DGKK: variants seen among roughly 807,000 people sequenced by gnomAD.
DGKK encodes the protein 142 kDa diacylglycerol kinase.
In DGKK, 35 loss-of-function variants were observed where a neutral mutation model predicts 92.2. The ratio of observed to expected loss-of-function variants is 0.38; its 90% CI spans 0.29 to 0.50. DGKK has a LOEUF of 0.50. DGKK is among the 20% of genes least tolerant of loss of function. DGKK has a pLI of 0.92. For synonymous variants in DGKK, 368 were observed against 360.6 expected (o/e 1.02, Z -0.23); for missense variants, 910 against 992.2 (o/e 0.92, Z 1.11).
At position 50,386,368 on chromosome X, in the gene DGKK, T is replaced by C; in HGVS notation, c.2337A>G (p.Gln779=). ...LQKSLKLIIF[Q]VEQALDEESR... ...CCCTGGCCACCTTACCTTGTTCAACTTGAAATATGATGAGTTTCAAGGATT... is the reference window on the plus strand; with the variant it reads ...CCCTGGCCACCTTACCTTGTTCAACCTGAAATATGATGAGTTTCAAGGATT... The change falls in exon 15 of 28, where the codon CAA becomes CAG. Residue 779 remains glutamine (Q), a synonymous_variant. Transcript: ENST00000611977. 2 of 1,207,705 alleles carry C rather than the reference T, an allele frequency of 1.7e-6. No individual in the cohort carries two copies. Among genetic ancestry groups the C allele is most frequent in the African/African-American group, 1.7e-5 (1 of 57,610 alleles).
At chrX:50,384,622 G>A in intron 16 of DGKK, 98 bp downstream of exon 16, 1 of 795,806 alleles carries the variant, frequency 1.3e-6, no homozygotes. Context: ...CAGGATTATG[G>A]CTAAAAGAGG....
intron 4 of DGKK, among the ~76,000 whole-genome samples, chrX:50,413,346 A>G (rs1273913999): frequency 4.5e-5 from 5 of 112,285 alleles, no homozygotes; most frequent in African/African-American, 6.5e-5. Context: ...AACAAATGCA[A>G]AACTGGACAA....
intron 25 of DGKK, among the ~76,000 whole-genome samples, chrX:50,372,250 G>A (rs782465331): frequency 9.0e-5 from 10 of 111,593 alleles, no homozygotes; most frequent in Non-Finnish European, 1.5e-4. Flanking sequence ...CCATCTTCCC[G>A]GTAACCTTAC....
Position 50,379,679 on chromosome X carries a change from A to T in DGKK, c.2810T>A (p.Ile937Asn). 8.3e-7 allele frequency: 1 copy of T among 1,211,646 alleles called. No homozygotes were observed. Residue 937 changes from isoleucine to asparagine, a missense_variant, in exon 20 of 28, where the codon ATT (isoleucine) becomes AAT (asparagine). Physicochemically the swap from Ile to Asn is moderately radical, Grantham distance 149 (BLOSUM62 -3). Coordinates refer to ENST00000611977, the MANE Select transcript of DGKK (RefSeq NM_001013742.4). ...GTTGATACCTCCAGCATAGCTGGTA[A>T]TGTTGAGCACTACAATGCCTTGCAG... is the stretch of plus-strand genomic sequence containing the variant. ...PNLQGIVVLN[I>N]TSYAGGINFW...
intron 4 of DGKK, among the ~76,000 whole-genome samples, chrX:50,411,789 G>A (rs1220876258): frequency 9.0e-6 from 1 of 111,596 alleles, no homozygotes; most frequent in Non-Finnish European, 1.9e-5. Context: ...ATTGCCTCTA[G>A]TTGCTGATGA....
At chrX:50,396,118 A>G (rs1409546742) in intron 8 of DGKK, among the ~76,000 whole-genome samples, 1 of 112,396 alleles carries the variant, frequency 8.9e-6, no homozygotes, top group Admixed American at 9.5e-5. Flanking sequence ...ATACAGCAGA[A>G]TATCTTGTAA....
intron 20 of DGKK, 74 bp from the exon 21 acceptor site, chrX:50,378,765 TA>T: frequency 1.2e-6 from 1 of 808,086 alleles, no homozygotes; most frequent in African/African-American, 2.0e-5. Context: ...AAGGCATGTT[TA>T]AAGGCTCCTG....
intron 1 of DGKK, among the ~76,000 whole-genome samples, chrX:50,466,754 A>C (rs1221598978): frequency 2.7e-5 from 3 of 111,950 alleles, no homozygotes; most frequent in African/African-American, 9.8e-5. Flanking sequence ...AGAAGCTCAG[A>C]AATCACTAAT....
At chrX:50,420,241 C>A (rs1274477188) in intron 4 of DGKK, among the ~76,000 whole-genome samples, 162 bp downstream of exon 4, 1 of 112,071 alleles carries the variant, frequency 8.9e-6, no homozygotes, top group African/African-American at 3.2e-5. Flanking sequence ...AAGTGAATTA[C>A]TCCTATTTAT....
intron 17 of DGKK, among the ~76,000 whole-genome samples, chrX:50,383,168 A>G (rs1014100537): frequency 1.8e-4 from 20 of 112,295 alleles, no homozygotes; most frequent in Middle Eastern, 4.6e-3. Context: ...GTGGTGTGCC[A>G]TAGCCAGTTG....
At chrX:50,377,066 G>A in intron 22 of DGKK, 148 bp from the exon 23 acceptor site, 1 of 460,084 alleles carries the variant, frequency 2.2e-6, no homozygotes, top group African/African-American at 2.4e-5. Context: ...CATTCCCCCT[G>A]TCATACCCAT....
chrX:50,419,017 A>T (rs944605135), intron 4 of DGKK, among the ~76,000 whole-genome samples: 4 of 112,219 alleles, frequency 3.6e-5, no homozygotes, highest in Non-Finnish European at 7.5e-5. Context: ...GGAAAGGAGC[A>T]TGGAATTCAC....
chrX:50,368,977 C>A lies in DGKK; in HGVS notation c.3779G>T (p.Gly1260Val). ...HRRHREDEAE[G>V]DDPLTPSRSQ... ...TCTCGATGGTGTTAGAGGATCATCA[C>A]CCTCTGCTTCATCTTCACGATGTCT... The change falls in exon 28 of 28, where the codon GGT becomes GTT. Residue 1260 changes from glycine (G) to valine (V), a missense_variant. Transcript: ENST00000611977. The A allele has an allele frequency of 8.3e-7, 1 of 1,208,618 alleles. No homozygotes were observed. The highest frequency in any genetic ancestry group is 1.1e-6 in the Non-Finnish European group (1 of 894,036).
At chrX:50,430,217 A>G (rs1006028000) in intron 1 of DGKK, among the ~76,000 whole-genome samples, 1 of 112,382 alleles carries the variant, frequency 8.9e-6, no homozygotes, top group Admixed American at 9.4e-5. Context: ...CAGCTATTTC[A>G]TAAGAAGGGA....
chrX:50,392,311 A>G (rs1557225637), intron 10 of DGKK, 30 bp downstream of exon 10: 2 of 1,123,025 alleles, frequency 1.8e-6, no homozygotes, highest in Non-Finnish European at 2.5e-6. Context: ...CTTTCTAGCA[A>G]TGGCTAAACT....
intron 4 of DGKK, among the ~76,000 whole-genome samples, chrX:50,408,047 C>T (rs1557227452): frequency 1.8e-5 from 2 of 112,831 alleles, no homozygotes; most frequent in East Asian, 5.6e-4. Flanking sequence ...AGCTCAGAGG[C>T]CAGCAAGGCT....
intron 19 of DGKK, 120 bp downstream of exon 19, chrX:50,379,861 C>T (rs782516615): frequency 7.8e-6 from 7 of 901,512 alleles, no homozygotes; most frequent in African/African-American, 2.0e-5. Context: ...ATGCCTTCCT[C>T]CCATGAGCTG....
intron 18 of DGKK, among the ~76,000 whole-genome samples, chrX:50,381,445 G>T (rs782152550): frequency 2.7e-5 from 3 of 111,326 alleles, no homozygotes; most frequent in African/African-American, 6.6e-5. Context: ...TCCAGCCTAG[G>T]CGACAGAACA....
intron 4 of DGKK, among the ~76,000 whole-genome samples, chrX:50,416,157 C>T (rs1157510393): frequency 4.5e-5 from 5 of 111,702 alleles, no homozygotes; most frequent in Admixed American, 9.5e-5. Context: ...TCACCAGACA[C>T]TGAACCTGCC....
Sources: allele counts gnomAD v4.1 joint callset (sites outside exome capture counted in the v4.1 genomes callset), GRCh38; gene constraint gnomAD v4.1.1; transcripts MANE v1.5; gene names NCBI Gene and HGNC (gene_info 2026-07-23, HGNC 2026-07-21).